FHIP1B: variants seen among roughly 807,000 people sequenced by gnomAD.
FHIP1B encodes the protein FHF complex subunit HOOK interacting protein 1B.
In FHIP1B, 28 loss-of-function variants were observed where a neutral mutation model predicts 82.2. The ratio of observed to expected loss-of-function variants is 0.34; its 90% CI spans 0.25 to 0.47. FHIP1B has a LOEUF of 0.47. Ranked by LOEUF, FHIP1B falls within the 20% of genes least tolerant of loss-of-function variation. The pLI is 1.00. For missense variants in FHIP1B, 1,110 were observed against 1,262.6 expected, an observed-to-expected ratio of 0.88 and a Z score of 1.83; for synonymous variants, 585 against 516.1, an observed-to-expected ratio of 1.13 and a Z score of -1.81.
At chr11:6,222,931 T>C in intron 4 of FHIP1B, 34 bp from the exon 5 acceptor site, 2 of 1,605,598 alleles carry the variant, frequency 1.2e-6, no homozygotes, top group Non-Finnish European at 1.7e-6. Context: ...GGGAGGGTTA[T>C]GAGGAGACCA....
chr11:6,225,452 T>G lies in FHIP1B; in HGVS notation c.-191-745A>C, dbSNP rs185434305. ...AGCACATCTTCTCACCTTCACTCTC[T>G]AGCTTCCTAATCCTTTCTTCTTGGC... On this transcript the variant is annotated intron_variant, in intron 1 of 11. Transcript: ENST00000449352. 1.1e-3 allele frequency among the ~76,000 whole-genome samples: 166 copies of G among 152,350 alleles called. 1 individual carries two copies. Among genetic ancestry groups the G allele is most frequent in the African/African-American group, 3.8e-3 (158 of 41,578 alleles).
At chr11:6,213,335 C>A (rs1847127107) in intron 11 of FHIP1B, among the ~76,000 whole-genome samples, 1 of 152,234 alleles carries the variant, frequency 6.6e-6, no homozygotes, top group Non-Finnish European at 1.5e-5. Context: ...ATCCCTTACT[C>A]CTCTACACTT....
intron 9 of FHIP1B, chr11:6,215,409 GA>G (rs1317819996): frequency 1.3e-5 from 2 of 152,376 alleles, no homozygotes; most frequent in African/African-American, 4.8e-5. Context: ...AGGCACAACA[GA>G]AGAACAAATA....
At chr11:6,231,318 G>A (rs188692230) in intron 1 of FHIP1B, among the ~76,000 whole-genome samples, 100 of 152,196 alleles carry the variant, frequency 6.6e-4, no homozygotes, top group Admixed American at 1.2e-3. Flanking sequence ...GCAAAGTCGG[G>A]CTTTTGGGGC....
Position 6,223,698 on chromosome 11 carries a change from G to A in FHIP1B, c.689C>T (p.Ala230Val), listed in dbSNP as rs1847480128. The change falls in exon 3 of 12, where the codon GCC becomes GTC. Residue 230 changes from alanine (A) to valine (V), a missense_variant. By Grantham distance (64) the Ala-to-Val change is moderately conservative (BLOSUM62 0). Transcript: ENST00000449352. The surrounding 1 kb of genome is among the most constrained non-coding windows in gnomAD (Gnocchi z 4.8). ...CATGAGAAGAAGTAGGGCATCACGG[G>A]CCTGCTGGCCCAGGGTGCCCTCTCG... ...VHREGTLGQQ[A>V]RDALLLLMAL... 1 of 1,614,164 alleles carries A rather than the reference G, an allele frequency of 6.2e-7. No homozygotes were observed. Among genetic ancestry groups the A allele is most frequent in the Non-Finnish European group, 8.5e-7 (1 of 1,179,980 alleles).
rs1847089481 is a variant in FHIP1B, at chr11:6,212,076, GTTCT to G, written c.2558-213_2558-210del. ...TTGACTCTGAGGAGTAGAGTGAGGA[GTTCT>G]TTCTCACTCCAACACCAAAAATACT... is the stretch of plus-strand genomic sequence containing the variant. On this transcript the variant is annotated intron_variant, in intron 11 of 11. Coordinates refer to ENST00000449352, the MANE Select transcript of FHIP1B (RefSeq NM_001098794.2). 7.2e-6 allele frequency: 4 copies of G among 558,350 alleles called. No homozygotes were observed. In the Admixed American group the frequency reaches 1.9e-4, roughly 27 times the overall value. The allele number at this position is 558,350 out of a possible 1,614,324, so 34.6% of individuals were successfully genotyped here.
At chr11:6,213,009 A>AATTTATTT (rs528512598) in intron 11 of FHIP1B, among the ~76,000 whole-genome samples, 458 of 152,228 alleles carry the variant, frequency 3.0e-3, no homozygotes, top group Non-Finnish European at 4.6e-3. Context: ...AACTCAACAT[A>AATTTATTT]CTTAATTTAT....
intron 9 of FHIP1B, chr11:6,217,084 A>G: frequency 1.4e-6 from 1 of 702,920 alleles, no homozygotes; most frequent in Non-Finnish European, 2.6e-6. Context: ...TACAAATCGC[A>G]GGAAATGGCC....
rs147897958 is a variant in FHIP1B at position 6,217,873 on chromosome 11, G to A, written c.1713C>T (p.Thr571=). The A allele has an allele frequency of 2.0e-5, 32 of 1,613,552 alleles. No homozygotes were observed. Among genetic ancestry groups the A allele is most frequent in the Non-Finnish European group, 2.5e-5 (29 of 1,180,026 alleles). Residue 571 remains threonine (T), a synonymous_variant, in exon 9 of 12, where the codon ACC becomes ACT. Coordinates refer to ENST00000449352, the MANE Select transcript of FHIP1B (RefSeq NM_001098794.2). ...GCTCGCCATCATAGGGGGCAGACCA[G>A]GTACGGCAGGCTCGGACACAGCGGT... The part of the protein sequence containing the change: ...GVDRCVRACR[T]WSAPYDGERP...
In FHIP1B at chr11:6,211,535, T is replaced by G; in HGVS notation, c.2890A>C (p.Ile964Leu). 1 of 1,608,710 alleles carries G rather than the reference T, an allele frequency of 6.2e-7. No homozygotes were observed. The highest frequency in any genetic ancestry group is 8.5e-7 in the Non-Finnish European group (1 of 1,177,900). The part of the protein sequence containing the change: ...ETSEEGSGPL[I>L]SGCGPLNP The stretch of plus-strand genomic sequence containing the variant: ...GGATTGAGGGGCCCACAGCCTGAGA[T>G]GAGAGGGCCAGATCCTTCCTCTGAA... The change falls in exon 12 of 12, where the codon ATC (isoleucine) becomes CTC (leucine). Residue 964 changes from isoleucine to leucine, a missense_variant. This residue lies in a region of FHIP1B where 29 missense variants were observed against 21.5 expected (regional missense o/e 1.35). Coordinates refer to ENST00000449352, the MANE Select transcript of FHIP1B (RefSeq NM_001098794.2).
intron 6 of FHIP1B, among the ~76,000 whole-genome samples, chr11:6,220,503 G>A (rs1847377194): frequency 6.6e-6 from 1 of 152,176 alleles, no homozygotes; most frequent in Admixed American, 6.5e-5. Flanking sequence ...ACACAGGCTG[G>A]TTAGCCAAAA....
Position 6,223,838 on chromosome 11 carries a change from C to T in FHIP1B, c.549G>A (p.Leu183=), listed in dbSNP as rs199839431. Residue 183 remains leucine (L), a synonymous_variant, in exon 3 of 12, where the codon CTG becomes CTA. Coordinates refer to ENST00000449352, the MANE Select transcript of FHIP1B (RefSeq NM_001098794.2). This position sits in a 1 kb window ranked among gnomAD's most constrained non-coding sequence, Gnocchi z 4.8. ...DEGLVLLLSQ[L]CVCVAQEPSL... ...AAGGCTCCTGGGCCACACAAACACACAGCTGGCTGAGAAGTAGCACCAAGC... is the reference window on the plus strand; with the variant it reads ...AAGGCTCCTGGGCCACACAAACACATAGCTGGCTGAGAAGTAGCACCAAGC... 1.4e-4 allele frequency: 227 copies of T among 1,614,232 alleles called. No homozygotes were observed. The East Asian group carries it at 2.6e-3, about 19-fold the overall frequency.
At chr11:6,225,799 C>G (rs570835233) in intron 1 of FHIP1B, among the ~76,000 whole-genome samples, 19 of 152,288 alleles carry the variant, frequency 1.2e-4, no homozygotes, top group African/African-American at 4.6e-4. Flanking sequence ...CCTTAACTGA[C>G]TGAATACTCT....
rs59502569 is a variant in FHIP1B, at chr11:6,214,034, G to GAAAA, written c.2557+373_2557+376dup. On this transcript the variant is annotated intron_variant, in intron 11 of 11. Transcript: ENST00000449352. ...AACTAAACAGTCCAGGACCTCTCCT[G>GAAAA]AAAAAAAAAAAAAAAAAAAAAAAAA... Among the ~76,000 whole-genome samples the GAAAA allele has an allele frequency of 2.7e-4, 10 of 36,634 alleles. 1 individual carries two copies. Among genetic ancestry groups the GAAAA allele is most frequent in the African/African-American group, 5.4e-4 (5 of 9,272 alleles). 24.0% of individuals were successfully genotyped at this position (36,634 alleles called of 152,430 possible).
intron 1 of FHIP1B, among the ~76,000 whole-genome samples, chr11:6,230,720 T>C (rs771251417): frequency 2.0e-5 from 3 of 152,220 alleles, no homozygotes; most frequent in Non-Finnish European, 4.4e-5. Flanking sequence ...CACAGTTATC[T>C]CTACCTTGAC....
Position 6,223,318 on chromosome 11 carries a change from G to A in FHIP1B, c.778-80C>T. ...CTGGAACAGGGGAGCTAGTAATCCA[G>A]AGTTTTGATGGGAATAGGGGTATAA... is the stretch of plus-strand genomic sequence containing the variant. On this transcript the variant is annotated intron_variant, in intron 3 of 11. Coordinates refer to ENST00000449352, the MANE Select transcript of FHIP1B (RefSeq NM_001098794.2). This position sits in a 1 kb window ranked among gnomAD's most constrained non-coding sequence, Gnocchi z 4.8. The A allele has an allele frequency of 1.4e-6, 2 of 1,419,644 alleles. No individual in the cohort carries two copies. The highest frequency in any genetic ancestry group is 1.9e-6 in the Non-Finnish European group (2 of 1,044,242). 87.9% of individuals were successfully genotyped at this position (1,419,644 alleles called of 1,614,324 possible).
At chr11:6,213,298 C>T (rs934612255) in intron 11 of FHIP1B, among the ~76,000 whole-genome samples, 4 of 152,210 alleles carry the variant, frequency 2.6e-5, no homozygotes, top group African/African-American at 9.6e-5. Context: ...CCTTCTACTT[C>T]GATTAGTAAA....
chr11:6,219,919 T>C (rs1314244165), intron 6 of FHIP1B, among the ~76,000 whole-genome samples: 7 of 152,178 alleles, frequency 4.6e-5, no homozygotes, highest in Admixed American at 3.9e-4. Flanking sequence ...GAAAAACACG[T>C]GACAGCAGTT....
At position 6,217,588 on chromosome 11, in the gene FHIP1B, C is replaced by G. The variant is rs1411755355; in HGVS notation, c.1998G>C (p.Glu666Asp). 1 of 1,612,828 alleles carries G rather than the reference C, an allele frequency of 6.2e-7. No individual in the cohort carries two copies. Residue 666 changes from glutamate to aspartate, a missense_variant, in exon 9 of 12, where the codon GAG becomes GAC. Glu to Asp is a conservative substitution (Grantham distance 45). Coordinates refer to ENST00000449352, the MANE Select transcript of FHIP1B (RefSeq NM_001098794.2). ...GAGELLEGIS[E>D]GMAGLEGFGQ... Reference sequence around the variant, plus strand: ...CAAAGCCCTCTAGTCCTGCCATGCCCTCGGAGATGCCCTCTAGCAGTTCCC... The same window carrying G: ...CAAAGCCCTCTAGTCCTGCCATGCCGTCGGAGATGCCCTCTAGCAGTTCCC...
Sources: allele counts gnomAD v4.1 joint callset (sites outside exome capture counted in the v4.1 genomes callset), GRCh38; gene constraint gnomAD v4.1.1; regional missense constraint gnomAD v4.1.1; non-coding constraint Gnocchi (gnomAD v3.1); transcripts MANE v1.5; gene names NCBI Gene and HGNC (gene_info 2026-07-23, HGNC 2026-07-21).